The following LYRM7 variants were observed in gnomAD, a reference collection of about 807,000 sequenced individuals.
LYRM7 encodes the protein complex III assembly factor LYRM7.
LYRM7 carries 9 observed loss-of-function variants against 15.8 expected under a neutral mutation model. The observed-to-expected ratio is 0.57, with a 90% confidence interval of 0.34 to 0.99. The LOEUF (loss-of-function observed/expected upper bound fraction) is 0.99. Ranked by LOEUF, LYRM7 falls within the 50% of genes least tolerant of loss-of-function variation. The pLI, the probability that LYRM7 is intolerant of heterozygous loss-of-function variation, is 0.02. For missense variants in LYRM7, 115 were observed against 119.1 expected, an observed-to-expected ratio of 0.97 and a Z score of 0.16; for synonymous variants, 39 against 39.4, an observed-to-expected ratio of 0.99 and a Z score of 0.04.
At chr5:131,178,961 CAAAAAAAA>C (rs58612746) in intron 1 of LYRM7, among the ~76,000 whole-genome samples, 1 of 62,944 alleles carries the variant, frequency 1.6e-5, no homozygotes, top group Non-Finnish European at 3.2e-5. Context: ...GACTCCGTCT[CAAAAAAAA>C]AAAAAAAAAA....
intron 3 of LYRM7, among the ~76,000 whole-genome samples, chr5:131,183,591 A>G (rs1045965207): frequency 6.6e-6 from 1 of 152,180 alleles, no homozygotes; most frequent in Non-Finnish European, 1.5e-5. Flanking sequence ...TTATATACAA[A>G]TGTATATTTT....
chr5:131,193,735 C>T (rs570802589), intron 4 of LYRM7, among the ~76,000 whole-genome samples: 75 of 152,142 alleles, frequency 4.9e-4, no homozygotes, highest in Non-Finnish European at 6.9e-4. Flanking sequence ...TGGCCGGGTG[C>T]GGTGGGTCAC....
At chr5:131,176,181 C>G (rs1213841101) in intron 1 of LYRM7, among the ~76,000 whole-genome samples, 1 of 152,204 alleles carries the variant, frequency 6.6e-6, no homozygotes, top group East Asian at 1.9e-4. Flanking sequence ...ATGAATAATA[C>G]TACCATGAAC....
intron 4 of LYRM7, among the ~76,000 whole-genome samples, chr5:131,198,425 T>C (rs114421552): frequency 0.011 from 1,642 of 152,348 alleles, 34 homozygotes; most frequent in African/African-American, 0.037. Flanking sequence ...TTTCTTCGTC[T>C]TTCATGTCCA....
intron 3 of LYRM7, among the ~76,000 whole-genome samples, chr5:131,186,824 TA>T (rs1755801827): frequency 1.3e-5 from 2 of 152,242 alleles, no homozygotes; most frequent in Admixed American, 1.3e-4. Flanking sequence ...GACATGTGAT[TA>T]AAAACTTATA....
At chr5:131,197,038 A>G (rs1755975915) in intron 4 of LYRM7, among the ~76,000 whole-genome samples, 1 of 152,182 alleles carries the variant, frequency 6.6e-6, no homozygotes, top group African/African-American at 2.4e-5. Context: ...GTTATTCAGA[A>G]CTGAACATAC....
chr5:131,172,439 C>T (rs1331764051), intron 1 of LYRM7, among the ~76,000 whole-genome samples: 1 of 152,016 alleles, frequency 6.6e-6, no homozygotes, highest in Non-Finnish European at 1.5e-5. Flanking sequence ...AATAAATAAT[C>T]TCTCAAGGAA....
In LYRM7 at chr5:131,180,132, A is replaced by C; in HGVS notation, c.56A>C (p.Gln19Pro). The C allele has an allele frequency of 6.2e-7, 1 of 1,613,072 alleles. No homozygotes were observed. Among genetic ancestry groups the C allele is most frequent in the Non-Finnish European group, 8.5e-7 (1 of 1,179,270 alleles). ...QLFKTLHRTR[Q>P]QVFKNDARAL... ...TTTAAAACACTGCACAGGACCAGAC[A>C]ACAAGTTTTTAAAAATGATGCCAGA... Residue 19 changes from glutamine (Q) to proline (P), a missense_variant, in exon 2 of 5, where the codon CAA becomes CCA. By Grantham distance (76) the Gln-to-Pro change is moderately conservative. Transcript: ENST00000379380.
Position 131,180,081 on chromosome 5 carries a change from G to A in LYRM7, c.19-14G>A. On this transcript the variant is annotated splice_polypyrimidine_tract_variant and intron_variant, in intron 1 of 4. Coordinates refer to ENST00000379380, the MANE Select transcript of LYRM7 (RefSeq NM_181705.4). The stretch of plus-strand genomic sequence containing the variant: ...GCCACTGTGCCCAACCTTGAATTCT[G>A]ATTTTCTTAACAGGTTTTACAGCTC... 6.3e-7 allele frequency: 1 copy of A among 1,598,502 alleles called. No homozygotes were observed. Among genetic ancestry groups the A allele is most frequent in the Non-Finnish European group, 8.6e-7 (1 of 1,167,482 alleles).
rs1756109850 is a variant in LYRM7 at position 131,203,399 on chromosome 5, A to C, written c.*3798A>C. ...AAAATTCTGGAGATGACAGTTTTTC[A>C]AAAATCTATTGAGGCCAGGTGCAGT... is the stretch of plus-strand genomic sequence containing the variant. On this transcript the variant is annotated 3_prime_UTR_variant, in exon 5 of 5. Transcript: ENST00000379380. 6.6e-6 allele frequency: 1 copy of C among 152,246 alleles called. No homozygotes were observed. The highest frequency in any genetic ancestry group is 1.5e-5 in the Non-Finnish European group (1 of 68,052). The allele number at this position is 152,246 out of a possible 1,614,324, so 9.4% of individuals were successfully genotyped here.
At chr5:131,188,878 G>T (rs1001956529) in intron 4 of LYRM7, among the ~76,000 whole-genome samples, 1 of 152,154 alleles carries the variant, frequency 6.6e-6, no homozygotes, top group Non-Finnish European at 1.5e-5. Context: ...TGGGTGCAGT[G>T]GCTCACACCT....
intron 4 of LYRM7, among the ~76,000 whole-genome samples, chr5:131,193,934 G>A (rs1213371805): frequency 2.6e-5 from 4 of 152,070 alleles, no homozygotes; most frequent in African/African-American, 4.8e-5. Context: ...GCTTGAACCC[G>A]GGAGGCGGAG....
chr5:131,181,417 T>TGTG, intron 2 of LYRM7, among the ~76,000 whole-genome samples: 1 of 106,190 alleles, frequency 9.4e-6, no homozygotes, highest in African/African-American at 5.3e-5. Flanking sequence ...ATATATATGT[T>TGTG]TATATATATA....
At chr5:131,172,349 G>A (rs971005667) in intron 1 of LYRM7, among the ~76,000 whole-genome samples, 25 of 152,220 alleles carry the variant, frequency 1.6e-4, no homozygotes, top group Non-Finnish European at 3.5e-4. Flanking sequence ...GGAGGTGGAG[G>A]TTGCAGTGAG....
At chr5:131,182,024 A>C (rs1755721297) in intron 2 of LYRM7, among the ~76,000 whole-genome samples, 1 of 152,218 alleles carries the variant, frequency 6.6e-6, no homozygotes, top group African/African-American at 2.4e-5. Flanking sequence ...AAAGGTTTAT[A>C]GTAGGTTTAC....
chr5:131,194,824 C>G (rs1258389516), intron 4 of LYRM7, among the ~76,000 whole-genome samples: 1 of 152,168 alleles, frequency 6.6e-6, no homozygotes, highest in East Asian at 1.9e-4. Context: ...GAAGCTTAGT[C>G]TCAAGCCTGC....
rs1756145087 is a variant in LYRM7 at position 131,204,726 on chromosome 5, G to GA, written c.*5129dup. ...AACACTTCTGATCCCAAGCATTTCAGAAAACGGATGTTCATTTGTGTGTGT... is the reference window on the plus strand; with the variant it reads ...AACACTTCTGATCCCAAGCATTTCAGAAAAACGGATGTTCATTTGTGTGTGT... On this transcript the variant is annotated 3_prime_UTR_variant, in exon 5 of 5. Transcript: ENST00000379380. The GA allele has an allele frequency of 7.7e-6, 1 of 130,148 alleles. No individual in the cohort carries two copies. The highest frequency in any genetic ancestry group is 2.2e-4 in the South Asian group (1 of 4,544). 8.1% of individuals were successfully genotyped at this position (130,148 alleles called of 1,614,324 possible).
At chr5:131,192,759 T>G (rs1467834857) in intron 4 of LYRM7, among the ~76,000 whole-genome samples, 1 of 152,216 alleles carries the variant, frequency 6.6e-6, no homozygotes, top group East Asian at 1.9e-4. Flanking sequence ...GTACAAATCA[T>G]AATTTTTTAT....
At chr5:131,178,886 C>G (rs933065555) in intron 1 of LYRM7, among the ~76,000 whole-genome samples, 3 of 134,206 alleles carry the variant, frequency 2.2e-5, no homozygotes, top group Admixed American at 1.7e-4. Context: ...CGCTTGAACT[C>G]GGGAGGTGGA....
Sources: allele counts gnomAD v4.1 joint callset (sites outside exome capture counted in the v4.1 genomes callset), GRCh38; gene constraint gnomAD v4.1.1; transcripts MANE v1.5; gene names NCBI Gene and HGNC (gene_info 2026-07-23, HGNC 2026-07-21).